SIRPA: variants seen among roughly 807,000 people sequenced by gnomAD.
SIRPA encodes signal regulatory protein alpha.
Under a neutral mutation model 50.3 loss-of-function variants are expected in SIRPA, and 9 were observed. The observed-to-expected ratio is 0.18, with a 90% CI of 0.11 to 0.31. The LOEUF (loss-of-function observed/expected upper bound fraction) is 0.31. SIRPA is among the 10% of genes least tolerant of loss of function. The pLI is 1.00. For synonymous variants in SIRPA, 265 were observed against 284.1 expected, an observed-to-expected ratio of 0.93 and a Z score of 0.68; for missense variants, 474 against 661.6, an observed-to-expected ratio of 0.72 and a Z score of 3.11.
chr20:1,900,897 C>T (rs1257259843), intron 1 of SIRPA, among the ~76,000 whole-genome samples: 1 of 152,174 alleles, frequency 6.6e-6, no homozygotes, highest in African/African-American at 2.4e-5. Context: ...CGATGCACGT[C>T]GTTATCTTCG....
At chr20:1,904,624 A>C (rs1984437782) in intron 1 of SIRPA, among the ~76,000 whole-genome samples, 1 of 152,152 alleles carries the variant, frequency 6.6e-6, no homozygotes, top group African/African-American at 2.4e-5. Context: ...GGCAGCGTCG[A>C]TGCTTATTAG....
rs185434035 is a variant in SIRPA, at chr20:1,909,441, C to G, written c.80-5658C>G. 2.6e-3 allele frequency among the ~76,000 whole-genome samples: 401 copies of G among 152,358 alleles called. 2 individuals carry two copies. The highest frequency in any genetic ancestry group is 8.8e-3 in the African/African-American group (366 of 41,582). On this transcript the variant is annotated intron_variant, in intron 1 of 7. Coordinates refer to ENST00000358771, the MANE Select transcript of SIRPA (RefSeq NM_001040023.2). ...CAGGGTAAGGCAGCCCTCCCCATCC[C>G]CGCCTCAAGCTTCAGTTCTAAGTTG... is the stretch of plus-strand genomic sequence containing the variant.
intron 1 of SIRPA, among the ~76,000 whole-genome samples, chr20:1,895,844 G>A (rs186390435): frequency 2.0e-5 from 3 of 152,344 alleles, no homozygotes; most frequent in Admixed American, 1.3e-4. Flanking sequence ...GGGGAAGGCT[G>A]ACTGACAGTG....
At chr20:1,926,646 C>T (rs1985996561) in intron 5 of SIRPA, among the ~76,000 whole-genome samples, 2 of 152,206 alleles carry the variant, frequency 1.3e-5, no homozygotes, top group South Asian at 4.1e-4. Flanking sequence ...ACAGTCAGTG[C>T]TCACCACAGA....
intron 6 of SIRPA, among the ~76,000 whole-genome samples, chr20:1,930,442 C>T (rs190634766): frequency 2.6e-5 from 4 of 152,326 alleles, no homozygotes; most frequent in East Asian, 1.9e-4. Context: ...AGTGAACAAA[C>T]GAATGAATGA....
intron 2 of SIRPA, among the ~76,000 whole-genome samples, chr20:1,918,460 C>T (rs375150791): frequency 6.6e-6 from 1 of 151,308 alleles, no homozygotes; most frequent in Non-Finnish European, 1.5e-5. Context: ...GATCCCCCCA[C>T]CTCGGCCTCC....
intron 2 of SIRPA, among the ~76,000 whole-genome samples, chr20:1,918,784 G>T (rs1985467540): frequency 6.6e-6 from 1 of 152,114 alleles, no homozygotes; most frequent in African/African-American, 2.4e-5. Flanking sequence ...GTTCTGTGAG[G>T]ATTGGAGAGG....
Position 1,922,512 on chromosome 20 carries a change from G to A in SIRPA, c.954G>A (p.Val318=). The change falls in exon 4 of 8, where the codon GTG becomes GTA. Residue 318 remains valine, a synonymous_variant. Transcript: ENST00000358771. ...ACAACTGGATGAGCTGGCTCCTGGT[G>A]AATGTATCTGCCCACAGGGATGATG... The part of the protein sequence containing the change: ...GTYNWMSWLL[V]NVSAHRDDVK... 6.2e-7 allele frequency: 1 copy of A among 1,614,204 alleles called. No individual in the cohort carries two copies. The highest frequency in any genetic ancestry group is 8.5e-7 in the Non-Finnish European group (1 of 1,180,036).
chr20:1,894,776 G>A (rs1318291656), upstream of SIRPA: 2 of 147,904 alleles, frequency 1.4e-5, no homozygotes, highest in Admixed American at 1.3e-4. The surrounding 1 kb of genome is among the most constrained non-coding windows in gnomAD (Gnocchi z 4.0). Flanking sequence ...GCGCGCAGGC[G>A]GGCGCTCGCT....
intron 4 of SIRPA, among the ~76,000 whole-genome samples, chr20:1,923,506 G>A (rs1985787457): frequency 6.6e-6 from 1 of 152,242 alleles, no homozygotes; most frequent in African/African-American, 2.4e-5. Flanking sequence ...CCAATGCCAG[G>A]TTTTCTTAGG....
Position 1,937,215 on chromosome 20 carries a change from G to C in SIRPA, c.1267-105G>C. On this transcript the variant is annotated intron_variant, in intron 7 of 7. Transcript: ENST00000358771. This position sits in a 1 kb window ranked among gnomAD's most constrained non-coding sequence, Gnocchi z 8.3. The stretch of plus-strand genomic sequence containing the variant: ...ACTTATGGCTGAGCCAGTGTGGGCC[G>C]AGAGGACACAGAAGCATCCAGACTT... The C allele has an allele frequency of 7.3e-7, 1 of 1,370,494 alleles. No homozygotes were observed. The highest frequency in any genetic ancestry group is 1.0e-6 in the Non-Finnish European group (1 of 995,722). The allele number at this position is 1,370,494 out of a possible 1,614,324, so 84.9% of individuals were successfully genotyped here. A position where few individuals can be genotyped will look rare whatever the true frequency, so the allele number is the denominator to read the frequency against.
At chr20:1,913,405 G>T (rs893587527) in intron 1 of SIRPA, among the ~76,000 whole-genome samples, 11 of 152,226 alleles carry the variant, frequency 7.2e-5, no homozygotes, top group African/African-American at 2.7e-4. Context: ...CTGCCAGTGG[G>T]GTGGTGCCAG....
intron 1 of SIRPA, among the ~76,000 whole-genome samples, chr20:1,899,898 A>G (rs1032924992): frequency 2.0e-5 from 3 of 152,232 alleles, no homozygotes; most frequent in African/African-American, 7.2e-5. Context: ...CCTTGTATGT[A>G]GTAAGCACTC....
chr20:1,911,783 TGAGAC>T (rs1329985011), intron 1 of SIRPA, among the ~76,000 whole-genome samples: 1 of 152,058 alleles, frequency 6.6e-6, no homozygotes, highest in East Asian at 1.9e-4. Context: ...CTCCTCTCCC[TGAGAC>T]GGTTCAGGCC....
At chr20:1,918,267 C>T (rs1286356590) in intron 2 of SIRPA, among the ~76,000 whole-genome samples, 2 of 151,362 alleles carry the variant, frequency 1.3e-5, no homozygotes, top group African/African-American at 4.9e-5. Context: ...GGCACCATCT[C>T]GGCTCACTGC....
intron 2 of SIRPA, among the ~76,000 whole-genome samples, chr20:1,915,720 C>T (rs1339255752): frequency 1.3e-5 from 2 of 152,228 alleles, no homozygotes; most frequent in African/African-American, 2.4e-5. Flanking sequence ...CTGACCCAGC[C>T]CTTTCATTCC....
chr20:1,916,451 A>G (rs953056743), intron 2 of SIRPA, among the ~76,000 whole-genome samples: 1 of 152,240 alleles, frequency 6.6e-6, no homozygotes, highest in African/African-American at 2.4e-5. Flanking sequence ...CATTGTTTAC[A>G]TAGAAGAGCC....
chr20:1,911,934 A>C (rs1413314128), intron 1 of SIRPA, among the ~76,000 whole-genome samples: 1 of 151,626 alleles, frequency 6.6e-6, no homozygotes, highest in Non-Finnish European at 1.5e-5. Context: ...AGAGAAAAAG[A>C]AAGCAAGCAA....
intron 2 of SIRPA, among the ~76,000 whole-genome samples, chr20:1,921,186 CA>C (rs1176112757): frequency 1.3e-5 from 2 of 152,216 alleles, no homozygotes; most frequent in African/African-American, 4.8e-5. Context: ...CCTGCCCCTA[CA>C]CTGTCTGACC....
Sources: gnomAD v4.1 joint callset for allele counts (sites outside exome capture counted in the v4.1 genomes callset) on GRCh38, gnomAD v4.1.1 for gene constraint, Gnocchi (gnomAD v3.1) non-coding constraint, MANE v1.5 for transcripts, NCBI Gene and HGNC (gene_info 2026-07-23, HGNC 2026-07-21) for gene names.